Variants in PPFIA1 observed in about 807,000 individuals in gnomAD.
PPFIA1 encodes the protein liprin-alpha-1.
In PPFIA1, 25 loss-of-function variants were observed where a neutral mutation model predicts 149.9. The ratio of observed to expected loss-of-function variants is 0.17; its 90% CI spans 0.12 to 0.23. The LOEUF is 0.23. Ranked by LOEUF, PPFIA1 falls within the 10% of genes least tolerant of loss-of-function variation. The probability of loss-of-function intolerance (pLI) is 1.00; values close to 1 mark genes in which losing one functional copy is unlikely to be tolerated. For missense variants in PPFIA1, 1,362 were observed against 1,506.5 expected (o/e 0.90, Z 1.59); for synonymous variants, 549 against 552.8 (o/e 0.99, Z 0.10).
At chr11:70,339,879 A>G (rs1016587364) in intron 14 of PPFIA1, among the ~76,000 whole-genome samples, 3 of 152,070 alleles carry the variant, frequency 2.0e-5, no homozygotes, top group Non-Finnish European at 2.9e-5. Flanking sequence ...AGCTCGGCAC[A>G]GTGGCAGGTG....
rs189665093 is a variant in PPFIA1, at chr11:70,315,210, C to T, written c.265-9192C>T. Among the ~76,000 whole-genome samples the T allele has an allele frequency of 3.9e-4, 59 of 152,242 alleles. No individual in the cohort carries two copies. In the Middle Eastern group the frequency reaches 0.017, roughly 44 times the overall value. ...TAATCTGTTATACGCAAATATTGTCCAGTGATTGAAAAGCCAGTGCTACTT... is the reference window on the plus strand; with the variant it reads ...TAATCTGTTATACGCAAATATTGTCTAGTGATTGAAAAGCCAGTGCTACTT... On this transcript the variant is annotated intron_variant, in intron 2 of 27. Coordinates refer to ENST00000253925, the MANE Select transcript of PPFIA1 (RefSeq NM_003626.5).
At chr11:70,286,922 A>G (rs1430161977) in intron 2 of PPFIA1, among the ~76,000 whole-genome samples, 1 of 141,884 alleles carries the variant, frequency 7.0e-6, no homozygotes, top group Non-Finnish European at 1.5e-5. Flanking sequence ...GTGTATACAC[A>G]CATATATATA....
chr11:70,381,656 G>A (rs572883486), intron 26 of PPFIA1, among the ~76,000 whole-genome samples: 77 of 152,328 alleles, frequency 5.1e-4, no homozygotes, highest in African/African-American at 1.7e-3. Context: ...TGCGCTCAGT[G>A]GGGCTGGGCA....
At chr11:70,295,543 C>T (rs2051895291) in intron 2 of PPFIA1, among the ~76,000 whole-genome samples, 1 of 137,334 alleles carries the variant, frequency 7.3e-6, no homozygotes, top group African/African-American at 2.8e-5. Context: ...GACGGGGCGG[C>T]TGGCCGGGCG....
At chr11:70,272,014 C>A in intron 1 of PPFIA1, 159 bp from the exon 2 acceptor site, 1 of 813,162 alleles carries the variant, frequency 1.2e-6, no homozygotes, top group Non-Finnish European at 2.0e-6. Context: ...TAATATTTGC[C>A]CTGTGTATGT....
chr11:70,355,848 G>C, intron 18 of PPFIA1, 37 bp downstream of exon 18: 1 of 1,577,492 alleles, frequency 6.3e-7, no homozygotes, highest in Non-Finnish European at 8.6e-7. Flanking sequence ...AGCACCCAGG[G>C]GTCGGGGAGG....
At chr11:70,374,535 G>T (rs73521332) in intron 23 of PPFIA1, 3,662 of 172,814 alleles carry the variant, frequency 0.021, 163 homozygotes, top group African/African-American at 0.083. Flanking sequence ...AGCTCCATCC[G>T]TGATGAAGTA....
intron 19 of PPFIA1, among the ~76,000 whole-genome samples, chr11:70,359,255 C>T (rs2056513564): frequency 6.6e-6 from 1 of 152,212 alleles, no homozygotes; most frequent in South Asian, 2.1e-4. Flanking sequence ...CTCAAGTGAT[C>T]TTCCTGCCTC....
At chr11:70,319,845 G>A (rs1360573359) in intron 2 of PPFIA1, 2 of 152,208 alleles carry the variant, frequency 1.3e-5, no homozygotes, top group East Asian at 1.9e-4. Context: ...TTGTGAAAGA[G>A]GCTCTCACTG....
At chr11:70,370,576 G>A (rs1351899769) in intron 21 of PPFIA1, among the ~76,000 whole-genome samples, 2 of 151,854 alleles carry the variant, frequency 1.3e-5, no homozygotes, top group Non-Finnish European at 2.9e-5. Context: ...TAGTAGAGAT[G>A]GGATTTCACT....
Position 70,362,413 on chromosome 11 carries a change from C to A in PPFIA1, c.2790C>A (p.His930Gln). ...QREIGISNPL[H>Q]RLKLRLAIQE... ...AGATTGGCATCAGCAACCCCCTGCA[C>A]AGGCTGAAGCTGAGGCTGGCCATCC... The change falls in exon 21 of 28, where the codon CAC becomes CAA. Residue 930 changes from histidine to glutamine, a missense_variant. His to Gln is a conservative substitution (Grantham distance 24). Coordinates refer to ENST00000253925, the MANE Select transcript of PPFIA1 (RefSeq NM_003626.5). 6.2e-7 allele frequency: 1 copy of A among 1,614,204 alleles called. No homozygotes were observed. Among genetic ancestry groups the A allele is most frequent in the Non-Finnish European group, 8.5e-7 (1 of 1,180,038 alleles).
intron 11 of PPFIA1, among the ~76,000 whole-genome samples, chr11:70,336,185 A>C (rs1255212211): frequency 1.3e-5 from 2 of 151,794 alleles, no homozygotes; most frequent in Non-Finnish European, 2.9e-5. Context: ...CCCAACCCTC[A>C]CCCCTTTATT....
intron 26 of PPFIA1, among the ~76,000 whole-genome samples, chr11:70,379,197 C>T (rs895297346): frequency 6.6e-6 from 1 of 151,972 alleles, no homozygotes; most frequent in Non-Finnish European, 1.5e-5. Context: ...AGTGAGCAGA[C>T]TGGAGGAAAG....
rs145603046 is a variant in PPFIA1, at chr11:70,355,774, C to T, written c.2451C>T (p.Gly817=). ...GCTTGTTTGGCAAGAAAGAAAAGGG[C>T]CGACCTGGACAAACTGGCAAAGAAG... ...IGRLFGKKEK[G]RPGQTGKEAL... The change falls in exon 18 of 28, where the codon GGC becomes GGT. Residue 817 remains glycine, a synonymous_variant. Coordinates refer to ENST00000253925, the MANE Select transcript of PPFIA1 (RefSeq NM_003626.5). The T allele has an allele frequency of 5.0e-4, 811 of 1,613,386 alleles. 5 individuals carry two copies. In the African/African-American group the frequency reaches 9.2e-3, roughly 18 times the overall value.
intron 26 of PPFIA1, among the ~76,000 whole-genome samples, chr11:70,378,813 A>G (rs1423842232): frequency 6.6e-5 from 10 of 152,304 alleles, no homozygotes; most frequent in Middle Eastern, 3.4e-3. Flanking sequence ...TTTCACATGC[A>G]GTTTGGGATT....
At chr11:70,340,609 C>T (rs1227725555) in intron 14 of PPFIA1, among the ~76,000 whole-genome samples, 2 of 152,072 alleles carry the variant, frequency 1.3e-5, no homozygotes, top group Admixed American at 6.5e-5. Flanking sequence ...TGGGCCAGGC[C>T]GCATTACAGA....
chr11:70,332,350 T>C (rs1591247650), intron 9 of PPFIA1, among the ~76,000 whole-genome samples: 1 of 152,198 alleles, frequency 6.6e-6, no homozygotes, highest in Non-Finnish European at 1.5e-5. Context: ...GAGTTACTGC[T>C]TCTTAGAATT....
At position 70,364,967 on chromosome 11, in the gene PPFIA1, G is replaced by A. The variant is rs80024305; in HGVS notation, c.2865+2479G>A. ...TGGCCTGCCTTCAGCCTTTCAGGCCGTCACGGAACATCTGCGAGAAAGCCC... is the reference window on the plus strand; with the variant it reads ...TGGCCTGCCTTCAGCCTTTCAGGCCATCACGGAACATCTGCGAGAAAGCCC... On this transcript the variant is annotated intron_variant, in intron 21 of 27. Coordinates refer to ENST00000253925, the MANE Select transcript of PPFIA1 (RefSeq NM_003626.5). The A allele has an allele frequency of 9.8e-3, 1,592 of 162,536 alleles. 12 individuals are homozygous for A. Among genetic ancestry groups the A allele is most frequent in the Non-Finnish European group, 0.016 (1,187 of 74,558 alleles). 10.1% of individuals were successfully genotyped at this position (162,536 alleles called of 1,614,324 possible).
chr11:70,339,347 T>C, intron 14 of PPFIA1, 41 bp downstream of exon 14: 2 of 1,590,750 alleles, frequency 1.3e-6, no homozygotes, highest in Non-Finnish European at 1.7e-6. Flanking sequence ...ACGTGAAAGT[T>C]ACCTACTTAT....
Sources: gnomAD v4.1 joint callset for allele counts (sites outside exome capture counted in the v4.1 genomes callset) on GRCh38, gnomAD v4.1.1 for gene constraint, MANE v1.5 for transcripts, NCBI Gene and HGNC (gene_info 2026-07-23, HGNC 2026-07-21) for gene names.